Variants in EPHX2 observed in about 807,000 individuals in gnomAD.
The protein encoded by EPHX2 is bifunctional epoxide hydrolase 2.
In EPHX2, 74 loss-of-function variants were observed where a neutral mutation model predicts 78.7. That is an observed-to-expected ratio of 0.94 (90% CI 0.78 to 1.14). The LOEUF (loss-of-function observed/expected upper bound fraction) is 1.14, where lower values mean the gene tolerates loss of function less well. EPHX2 is among the 50% of genes most tolerant of loss of function. The pLI, the probability that EPHX2 is intolerant of heterozygous loss-of-function variation, is 0.00. For missense variants in EPHX2, 715 were observed against 702.5 expected, an observed-to-expected ratio of 1.02 and a Z score of -0.20; for synonymous variants, 251 against 255.2, an observed-to-expected ratio of 0.98 and a Z score of 0.16.
At chr8:27,540,805 G>GACACT in intron 15 of EPHX2, 149 bp downstream of exon 15, 2 of 694,590 alleles carry the variant, frequency 2.9e-6, no homozygotes, top group East Asian at 2.7e-5. Context: ...CTCCAGTGTC[G>GACACT]GGAGGCTCAC....
At chr8:27,517,213 T>G (rs1026208896) in intron 8 of EPHX2, among the ~76,000 whole-genome samples, 3 of 152,226 alleles carry the variant, frequency 2.0e-5, no homozygotes, top group Non-Finnish European at 2.9e-5. Flanking sequence ...TTCTTTTTCT[T>G]TTTGCTTTCT....
At chr8:27,529,679 C>T (rs1814965811) in intron 12 of EPHX2, among the ~76,000 whole-genome samples, 1 of 151,980 alleles carries the variant, frequency 6.6e-6, no homozygotes, top group Non-Finnish European at 1.5e-5. Context: ...ATAATCTCAG[C>T]AGACAGGTGG....
At chr8:27,527,484 C>A (rs1814890959) in intron 12 of EPHX2, among the ~76,000 whole-genome samples, 2 of 152,220 alleles carry the variant, frequency 1.3e-5, no homozygotes. Context: ...ATCACCACAT[C>A]CACCTCCAGA....
intron 1 of EPHX2, among the ~76,000 whole-genome samples, chr8:27,494,714 T>C (rs9785163): frequency 0.13 from 19,666 of 152,286 alleles, 1,482 homozygotes; most frequent in African/African-American, 0.22. Context: ...TTGGATGGTC[T>C]GAAGGAGATT....
intron 11 of EPHX2, among the ~76,000 whole-genome samples, chr8:27,524,368 C>CCT (rs1310153000): frequency 6.6e-6 from 1 of 152,006 alleles, no homozygotes; most frequent in Non-Finnish European, 1.5e-5. Flanking sequence ...ATCTTCCTGA[C>CCT]CTCTCTCTCT....
intron 12 of EPHX2, among the ~76,000 whole-genome samples, chr8:27,525,837 C>G (rs895196562): frequency 6.6e-6 from 1 of 152,186 alleles, no homozygotes; most frequent in East Asian, 1.9e-4. Flanking sequence ...AGTCCTGCAA[C>G]AGGCCCCACA....
At position 27,506,912 on chromosome 8, in the gene EPHX2, C is replaced by A. The variant is rs774096227; in HGVS notation, c.578C>A (p.Ala193Asp). ...LDDIGANLKP[A>D]RDLGMVTILV... Reference sequence around the variant, plus strand: ...GACATCGGGGCTAATCTGAAGCCAGCCCGTGACTTGGGAATGGTCACCATC... The same window carrying A: ...GACATCGGGGCTAATCTGAAGCCAGACCGTGACTTGGGAATGGTCACCATC... Residue 193 changes from alanine (A) to aspartate (D), a missense_variant, in exon 5 of 19, where the codon GCC becomes GAC. Coordinates refer to ENST00000521400, the MANE Select transcript of EPHX2 (RefSeq NM_001979.6). 1 of 1,614,000 alleles carries A rather than the reference C, an allele frequency of 6.2e-7. No homozygotes were observed. The highest frequency in any genetic ancestry group is 1.3e-5 in the African/African-American group (1 of 74,916).
Position 27,516,353 on chromosome 8 carries a change from C to A in EPHX2, c.865C>A (p.Leu289Ile). 6.2e-7 allele frequency: 1 copy of A among 1,614,032 alleles called. No individual in the cohort carries two copies. The highest frequency in any genetic ancestry group is 8.5e-7 in the Non-Finnish European group (1 of 1,179,986). The change falls in exon 8 of 19, where the codon CTA becomes ATA. Residue 289 changes from leucine to isoleucine, a missense_variant. Coordinates refer to ENST00000521400, the MANE Select transcript of EPHX2 (RefSeq NM_001979.6). ...TCTGGCCCAGGCAGGTTACCGGGTC[C>A]TAGCTATGGACATGAAAGGCTATGG... is the stretch of plus-strand genomic sequence containing the variant. The part of the protein sequence containing the change: ...PALAQAGYRV[L>I]AMDMKGYGES...
Position 27,491,185 on chromosome 8 carries a change from G to C in EPHX2, c.-24G>C, listed in dbSNP as rs1260769557. On this transcript the variant is annotated 5_prime_UTR_variant, in exon 1 of 19. Transcript: ENST00000521400. ...TCTCCCAGGTTAGCTGCGTGTCCGG[G>C]TGCTAGGCTGCAGACCCGCCGCCAT... The C allele has an allele frequency of 6.4e-7, 1 of 1,560,228 alleles. No individual in the cohort carries two copies. The highest frequency in any genetic ancestry group is 8.6e-7 in the Non-Finnish European group (1 of 1,161,466).
rs142716458 is a variant in EPHX2 at position 27,505,137 on chromosome 8, C to A, written c.528C>A (p.Ser176Arg). The A allele has an allele frequency of 6.2e-7, 1 of 1,613,890 alleles. No individual in the cohort carries two copies. The highest frequency in any genetic ancestry group is 2.2e-5 in the East Asian group (1 of 44,892). The change falls in exon 4 of 19, where the codon AGC (serine) becomes AGA (arginine). Residue 176 changes from serine (S) to arginine (R), a missense_variant. Transcript: ENST00000521400. Reference protein sequence around the residue: ...YKFLLDTLKASPSEVVFLDDI... With the variant: ...YKFLLDTLKARPSEVVFLDDI... ...TTCTGCTGGACACCCTGAAGGCCAG[C>A]CCCAGTGAGGTACGGAGACACTTCC... is the stretch of plus-strand genomic sequence containing the variant.
intron 4 of EPHX2, 23 bp downstream of exon 4, chr8:27,505,169 C>T: frequency 6.2e-7 from 1 of 1,610,670 alleles, no homozygotes; most frequent in East Asian, 2.2e-5. Flanking sequence ...TTCCTTATGG[C>T]AGAGAAGGAT....
At chr8:27,495,087 C>T (rs960676929) in intron 1 of EPHX2, among the ~76,000 whole-genome samples, 3 of 152,158 alleles carry the variant, frequency 2.0e-5, no homozygotes, top group Non-Finnish European at 4.4e-5. Flanking sequence ...GTAAGACTGC[C>T]ACCTCTTTGG....
At chr8:27,514,830 C>A (rs1194584959) in intron 6 of EPHX2, among the ~76,000 whole-genome samples, 1 of 152,046 alleles carries the variant, frequency 6.6e-6, no homozygotes, top group Non-Finnish European at 1.5e-5. Context: ...AGGTGCTCTG[C>A]GAGATGCTAC....
intron 2 of EPHX2, among the ~76,000 whole-genome samples, 185 bp downstream of exon 2, chr8:27,501,195 C>T (rs1210663360): frequency 1.3e-5 from 2 of 152,010 alleles, no homozygotes; most frequent in Non-Finnish European, 2.9e-5. Flanking sequence ...TATATTGTGG[C>T]AAATGGTGAA....
At chr8:27,534,639 A>G (rs1020311038) in intron 12 of EPHX2, among the ~76,000 whole-genome samples, 6 of 151,736 alleles carry the variant, frequency 4.0e-5, no homozygotes, top group African/African-American at 1.5e-4. Context: ...GCAAGACTCC[A>G]TCTAAAAAAA....
chr8:27,515,040 C>T (rs1381580877), intron 6 of EPHX2, among the ~76,000 whole-genome samples: 1 of 152,150 alleles, frequency 6.6e-6, no homozygotes, highest in Non-Finnish European at 1.5e-5. Context: ...TCCAAACAGC[C>T]TGTGCACTGG....
intron 14 of EPHX2, among the ~76,000 whole-genome samples, chr8:27,539,881 G>A (rs72477586): frequency 6.6e-6 from 1 of 152,200 alleles, no homozygotes; most frequent in African/African-American, 2.4e-5. Context: ...GTGCCTCCGG[G>A]TCTTCGTGAA....
At chr8:27,508,232 G>C (rs1260459412) in intron 5 of EPHX2, among the ~76,000 whole-genome samples, 7 of 152,190 alleles carry the variant, frequency 4.6e-5, no homozygotes, top group Non-Finnish European at 1.5e-5. Flanking sequence ...GAACCCAGGA[G>C]GTGGAGGTTG....
chr8:27,537,159 G>A (rs1218823314), intron 13 of EPHX2, among the ~76,000 whole-genome samples: 1 of 152,188 alleles, frequency 6.6e-6, no homozygotes, highest in Non-Finnish European at 1.5e-5. Flanking sequence ...TCTTGAAGCA[G>A]AGGAGTTTAG....
Sources: gnomAD v4.1 joint callset for allele counts (sites outside exome capture counted in the v4.1 genomes callset) on GRCh38, gnomAD v4.1.1 for gene constraint, MANE v1.5 for transcripts, NCBI Gene and HGNC (gene_info 2026-07-23, HGNC 2026-07-21) for gene names.